ASAP1: variants seen among roughly 807,000 people sequenced by gnomAD.
The protein encoded by ASAP1 is arf-GAP with SH3 domain, ANK repeat and PH domain-containing protein 1.
ASAP1 carries 43 observed loss-of-function variants against 145.2 expected under a neutral mutation model. The ratio of observed to expected loss-of-function variants is 0.30; its 90% CI spans 0.23 to 0.38. The LOEUF (loss-of-function observed/expected upper bound fraction) is 0.38, where lower values mean the gene tolerates loss of function less well. Ranked by LOEUF, ASAP1 falls within the 10% of genes least tolerant of loss-of-function variation. The pLI, the probability that ASAP1 is intolerant of heterozygous loss-of-function variation, is 1.00. For synonymous variants in ASAP1, 546 were observed against 515.5 expected, an observed-to-expected ratio of 1.06 and a Z score of -0.80; for missense variants, 1,018 against 1,355.3, an observed-to-expected ratio of 0.75 and a Z score of 3.91.
chr8:130,064,476 T>C (rs938600483), intron 27 of ASAP1, among the ~76,000 whole-genome samples: 4 of 151,590 alleles, frequency 2.6e-5, no homozygotes, highest in African/African-American at 9.7e-5. Flanking sequence ...GGAGCCGGAG[T>C]CCGTATTCCA....
At chr8:130,275,500 C>A (rs1009057760) in intron 3 of ASAP1, among the ~76,000 whole-genome samples, 1 of 152,106 alleles carries the variant, frequency 6.6e-6, no homozygotes, top group African/African-American at 2.4e-5. Flanking sequence ...TCCTGGCTAG[C>A]CTAGGAAGGA....
Position 130,116,731 on chromosome 8 carries a change from C to G in ASAP1, c.2011G>C (p.Glu671Gln). Residue 671 changes from glutamate (E) to glutamine (Q), a missense_variant, in exon 22 of 30, where the codon GAA (glutamate) becomes CAA (glutamine). Physicochemically the swap from Glu to Gln is conservative, Grantham distance 29. Around this residue, in one of 9 missense-constraint regions of ASAP1, gnomAD observed 353 missense variants for 375.4 expected, o/e 0.94. Coordinates refer to ENST00000518721, the MANE Select transcript of ASAP1 (RefSeq NM_018482.4). ...PTVDIVNQAG[E>Q]TALDIAKRLK... ...CTCTTTGCTATGTCTAGGGCAGTTT[C>G]TCCAGCCTGGTTAACTGAAATAGGA... is the stretch of plus-strand genomic sequence containing the variant. The G allele has an allele frequency of 6.2e-7, 1 of 1,614,098 alleles. No homozygotes were observed. The highest frequency in any genetic ancestry group is 1.1e-5 in the South Asian group (1 of 91,080).
At chr8:130,310,987 C>A (rs1185380236) in intron 3 of ASAP1, among the ~76,000 whole-genome samples, 1 of 152,238 alleles carries the variant, frequency 6.6e-6, no homozygotes. Flanking sequence ...GATGAAGCTC[C>A]TCTTTAGCTC....
intron 24 of ASAP1, among the ~76,000 whole-genome samples, 183 bp from the exon 25 acceptor site, chr8:130,092,326 T>A (rs201869073): frequency 2.0e-5 from 3 of 149,890 alleles, no homozygotes; most frequent in East Asian, 2.0e-4. Flanking sequence ...AAAATTTGGT[T>A]AAAAAAAAAA....
intron 5 of ASAP1, 70 bp from the exon 6 acceptor site, chr8:130,188,253 T>G: frequency 8.1e-7 from 1 of 1,231,116 alleles, no homozygotes; most frequent in African/African-American, 1.5e-5. Context: ...AACCAGCTAC[T>G]ATTGACTGAG....
chr8:130,058,569 C>A (rs1040160787), intron 28 of ASAP1, among the ~76,000 whole-genome samples: 2 of 152,222 alleles, frequency 1.3e-5, no homozygotes, highest in Admixed American at 1.3e-4. Context: ...TGGTTAAACA[C>A]AGCAGGATCG....
At chr8:130,421,803 TACTA>T (rs1173953093) in intron 1 of ASAP1, among the ~76,000 whole-genome samples, 14 of 152,232 alleles carry the variant, frequency 9.2e-5, no homozygotes, top group Non-Finnish European at 1.3e-4. Context: ...ATCACTATAT[TACTA>T]ACTAATACAC....
intron 2 of ASAP1, among the ~76,000 whole-genome samples, chr8:130,396,918 C>G (rs553306457): frequency 1.3e-5 from 2 of 152,228 alleles, no homozygotes; most frequent in Admixed American, 1.3e-4. Context: ...GGAGAAAAAC[C>G]TGAACATAAG....
chr8:130,182,262 T>C (rs781629332), intron 7 of ASAP1, among the ~76,000 whole-genome samples: 1 of 152,168 alleles, frequency 6.6e-6, no homozygotes, highest in Non-Finnish European at 1.5e-5. Flanking sequence ...GTGATCCCAC[T>C]AAAATGAGAG....
chr8:130,118,127 T>C, intron 20 of ASAP1, 34 bp downstream of exon 20: 1 of 1,567,538 alleles, frequency 6.4e-7, no homozygotes, highest in Non-Finnish European at 8.8e-7. Flanking sequence ...TAAGGCATAT[T>C]CAGGTAATTC....
chr8:130,059,276 G>A (rs752570312), intron 28 of ASAP1, among the ~76,000 whole-genome samples: 3 of 151,482 alleles, frequency 2.0e-5, no homozygotes, highest in Admixed American at 6.6e-5. Context: ...CAATCTTCCC[G>A]CCTTAGCCTC....
intron 1 of ASAP1, among the ~76,000 whole-genome samples, chr8:130,437,926 A>G (rs1447506605): frequency 6.6e-6 from 1 of 152,176 alleles, no homozygotes; most frequent in Non-Finnish European, 1.5e-5. Flanking sequence ...TTGTTTTCCT[A>G]ACTCTGTGCA....
At chr8:130,441,991 A>G (rs983703007) in intron 1 of ASAP1, among the ~76,000 whole-genome samples, 2 of 152,158 alleles carry the variant, frequency 1.3e-5, no homozygotes, top group Admixed American at 6.6e-5. Flanking sequence ...TGGGATAGGG[A>G]AAGTAATTCC....
rs77135874 is a variant in ASAP1, at chr8:130,442,279, G to A, written c.-28+1181C>T. On this transcript the variant is annotated intron_variant, in intron 1 of 29. Transcript: ENST00000518721. ...GAAGGGGCATGGGACTGAGCCTGAAGAAGTGGAAACTACTCCTGGCCATGT... is the reference window on the plus strand; with the variant it reads ...GAAGGGGCATGGGACTGAGCCTGAAAAAGTGGAAACTACTCCTGGCCATGT... 2.5e-3 allele frequency among the ~76,000 whole-genome samples: 383 copies of A among 152,276 alleles called. 8 individuals carry two copies. In the East Asian group the frequency reaches 0.035, roughly 14 times the overall value.
chr8:130,092,604 G>C (rs1295205848), intron 24 of ASAP1, among the ~76,000 whole-genome samples: 1 of 152,120 alleles, frequency 6.6e-6, no homozygotes, highest in Non-Finnish European at 1.5e-5. Flanking sequence ...TCCAGCCTAG[G>C]CAACAGAGAA....
Position 130,187,282 on chromosome 8 carries a change from G to C in ASAP1, c.484C>G (p.Leu162Val). ...KGDLKGVKGD[L>V]KKPFDKAWKD... ...CAGGCTTTGTCAAATGGCTTCTTGAGATCCTTAGAAACGAGAAAATGAGAT... is the reference window on the plus strand; with the variant it reads ...CAGGCTTTGTCAAATGGCTTCTTGACATCCTTAGAAACGAGAAAATGAGAT... Residue 162 changes from leucine (L) to valine (V), a missense_variant, in exon 7 of 30, where the codon CTC becomes GTC. Physicochemically the swap from Leu to Val is conservative, Grantham distance 32. Transcript: ENST00000518721. 6.2e-7 allele frequency: 1 copy of C among 1,609,242 alleles called. No individual in the cohort carries two copies. The highest frequency in any genetic ancestry group is 8.5e-7 in the Non-Finnish European group (1 of 1,178,460).
intron 24 of ASAP1, among the ~76,000 whole-genome samples, chr8:130,097,782 A>G (rs1448034164): frequency 6.6e-6 from 1 of 152,152 alleles, no homozygotes; most frequent in Non-Finnish European, 1.5e-5. Context: ...AGGAACTGAC[A>G]TTCTCTTCTC....
At chr8:130,283,436 C>G (rs539133993) in intron 3 of ASAP1, among the ~76,000 whole-genome samples, 5 of 151,822 alleles carry the variant, frequency 3.3e-5, no homozygotes, top group Admixed American at 1.3e-4. Context: ...AAAGTAGCTG[C>G]GCATGGTGGC....
rs1424519036 is a variant in ASAP1, at chr8:130,330,908, TACAA to T, written c.186+27105_186+27108del. On this transcript the variant is annotated intron_variant, in intron 3 of 29. Transcript: ENST00000518721. ...CGATTCTCTGGGATGCTCCTGAAAG[TACAA>T]ACAAACCTCCTTCCACTTCTAGCCT... Among the ~76,000 whole-genome samples the T allele has an allele frequency of 1.3e-4, 20 of 152,314 alleles. 1 individual carries two copies. The East Asian group carries it at 1.9e-3, about 15-fold the overall frequency.
Sources: gnomAD v4.1 joint callset for allele counts (sites outside exome capture counted in the v4.1 genomes callset) on GRCh38, gnomAD v4.1.1 for gene constraint, gnomAD v4.1.1 regional missense constraint, MANE v1.5 for transcripts, NCBI Gene and HGNC (gene_info 2026-07-23, HGNC 2026-07-21) for gene names.